The following ARMC3 variants were observed in gnomAD, a reference collection of about 807,000 sequenced individuals.
ARMC3 encodes the protein armadillo repeat-containing protein 3.
A neutral mutation model predicts 90.3 loss-of-function variants in ARMC3; 74 were observed. The ratio of observed to expected loss-of-function variants is 0.82; its 90% confidence interval spans 0.68 to 0.99. ARMC3 has a LOEUF of 0.99. ARMC3 is among the 50% of genes least tolerant of loss of function. The pLI, the probability that ARMC3 is intolerant of heterozygous loss-of-function variation, is 0.00. For missense variants in ARMC3, 958 were observed against 1,042.8 expected (o/e 0.92, Z 1.12); for synonymous variants, 334 against 361.8 (o/e 0.92, Z 0.87).
Position 22,959,396 on chromosome 10 carries a change from CAGA to C in ARMC3, c.365_367del (p.Glu122del), listed in dbSNP as rs759885825. The C allele has an allele frequency of 9.4e-6, 15 of 1,596,488 alleles. No homozygotes were observed. Among genetic ancestry groups the C allele is most frequent in the African/African-American group, 1.4e-5 (1 of 73,934 alleles). On this transcript the variant is annotated splice_acceptor_variant and coding_sequence_variant, in exon 6 of 19. Transcript: ENST00000298032. LOFTEE classifies it high-confidence loss of function. ...ACTTGTGTTATTTATTTTTGATACACAGAAGAAGTAGTTATCCATGAGTTTGCT... is the reference window on the plus strand; with the variant it reads ...ACTTGTGTTATTTATTTTTGATACACAGAAGTAGTTATCCATGAGTTTGCT...
intron 11 of ARMC3, among the ~76,000 whole-genome samples, chr10:22,998,789 C>T (rs1837142904): frequency 6.6e-6 from 1 of 152,196 alleles, no homozygotes; most frequent in South Asian, 2.1e-4. Context: ...TACAGCCCCA[C>T]ATGTCAACAG....
chr10:23,008,087 G>C (rs1467802398), intron 14 of ARMC3, among the ~76,000 whole-genome samples, 189 bp from the exon 15 acceptor site: 4 of 152,200 alleles, frequency 2.6e-5, no homozygotes, highest in Non-Finnish European at 5.9e-5. Context: ...CTGGGCGATA[G>C]AGTGAGATCC....
intron 16 of ARMC3, among the ~76,000 whole-genome samples, chr10:23,029,664 C>A (rs58579226): frequency 0.023 from 3,470 of 152,226 alleles, 129 homozygotes; most frequent in African/African-American, 0.08. Flanking sequence ...TTGAGAGTAT[C>A]TTTTCCATTG....
At chr10:22,993,713 TG>T (rs1459570514) in intron 10 of ARMC3, among the ~76,000 whole-genome samples, 2 of 152,184 alleles carry the variant, frequency 1.3e-5, no homozygotes, top group African/African-American at 4.8e-5. Context: ...AGGGCCGTGA[TG>T]GTCACAGATG....
Position 22,981,581 on chromosome 10 carries a change from T to A in ARMC3, c.1070-14T>A. On this transcript the variant is annotated splice_polypyrimidine_tract_variant and intron_variant, in intron 9 of 18. Transcript: ENST00000298032. Reference sequence around the variant, plus strand: ...CATTTTAAAAGTCACATTTTTACCTTTCTCTTTCTGTAGGGATTCCACAGT... The same window carrying A: ...CATTTTAAAAGTCACATTTTTACCTATCTCTTTCTGTAGGGATTCCACAGT... 6.2e-7 allele frequency: 1 copy of A among 1,614,022 alleles called. No homozygotes were observed. Among genetic ancestry groups the A allele is most frequent in the Non-Finnish European group, 8.5e-7 (1 of 1,179,910 alleles).
chr10:22,968,558 G>A, intron 8 of ARMC3, 69 bp downstream of exon 8: 3 of 1,391,032 alleles, frequency 2.2e-6, no homozygotes, highest in South Asian at 1.5e-5. Flanking sequence ...GGAGTGCTGT[G>A]GCGTGATCAC....
At chr10:22,945,142 C>T (rs959277102) in intron 2 of ARMC3, among the ~76,000 whole-genome samples, 4 of 152,194 alleles carry the variant, frequency 2.6e-5, no homozygotes, top group African/African-American at 9.7e-5. Context: ...TTCTTCTTTA[C>T]TCTTCCAAAC....
intron 8 of ARMC3, among the ~76,000 whole-genome samples, chr10:22,971,556 T>G (rs992398136): frequency 1.1e-4 from 17 of 150,080 alleles, no homozygotes; most frequent in Non-Finnish European, 1.9e-4. Flanking sequence ...TTCTCCTGCC[T>G]CAGCCTCCTG....
chr10:22,960,138 A>G (rs1349771686), intron 6 of ARMC3: 9 of 247,498 alleles, frequency 3.6e-5, no homozygotes, highest in Middle Eastern at 1.5e-3. Context: ...CCCAACCCCC[A>G]GAATACACAC....
chr10:22,959,714 G>GA (rs1055321574), intron 6 of ARMC3, 140 bp downstream of exon 6: 5 of 818,718 alleles, frequency 6.1e-6, no homozygotes, highest in African/African-American at 3.5e-5. Context: ...ATCATTCAGA[G>GA]AAAAAAATAA....
At chr10:23,000,952 C>A (rs555797897) in intron 11 of ARMC3, among the ~76,000 whole-genome samples, 1 of 151,994 alleles carries the variant, frequency 6.6e-6, no homozygotes, top group African/African-American at 2.4e-5. Flanking sequence ...ATTTTATACA[C>A]GAGTGATGTC....
chr10:22,992,812 A>G (rs1836767907), intron 10 of ARMC3, among the ~76,000 whole-genome samples: 1 of 152,072 alleles, frequency 6.6e-6, no homozygotes. Flanking sequence ...CAGCATTCCA[A>G]ATCTGGCTGT....
chr10:22,959,364 T>G (rs1233573931), intron 5 of ARMC3, 35 bp from the exon 6 acceptor site: 1 of 1,558,824 alleles, frequency 6.4e-7, no homozygotes, highest in South Asian at 1.2e-5. Flanking sequence ...TAATAAGCAG[T>G]TGGCATACTT....
chr10:23,033,103 C>T (rs1564408433), intron 18 of ARMC3, 80 bp downstream of exon 18: 4 of 1,320,968 alleles, frequency 3.0e-6, no homozygotes, highest in South Asian at 1.3e-5. Flanking sequence ...CAGTTGCTAA[C>T]ATTTAACTGG....
intron 16 of ARMC3, among the ~76,000 whole-genome samples, chr10:23,028,481 G>A (rs1052197124): frequency 6.6e-6 from 1 of 152,102 alleles, no homozygotes; most frequent in South Asian, 2.1e-4. Context: ...TATATGAGTT[G>A]AGATTTTCTT....
intron 2 of ARMC3, among the ~76,000 whole-genome samples, chr10:22,936,978 A>G (rs1266442721): frequency 6.6e-6 from 1 of 151,992 alleles, no homozygotes; most frequent in African/African-American, 2.4e-5. Context: ...ATCATGGCTC[A>G]CTGCAGCCTC....
In ARMC3 at chr10:23,037,610, G is replaced by A. The variant is rs577386060; in HGVS notation, c.*131G>A. 2.0e-5 allele frequency: 18 copies of A among 887,982 alleles called. No homozygotes were observed. The highest frequency in any genetic ancestry group is 3.5e-4 in the Middle Eastern group (1 of 2,832). The allele number at this position is 887,982 out of a possible 1,614,324, so 55.0% of individuals were successfully genotyped here. ...AAAGTATTAGAAATGTTTTCTCTGC[G>A]TAGAAATTAGGAAGCTTGGAGTGAA... is the stretch of plus-strand genomic sequence containing the variant. On this transcript the variant is annotated 3_prime_UTR_variant, in exon 19 of 19. Transcript: ENST00000298032.
At chr10:22,943,185 C>A (rs956432118) in intron 2 of ARMC3, among the ~76,000 whole-genome samples, 2 of 152,120 alleles carry the variant, frequency 1.3e-5, no homozygotes, top group African/African-American at 2.4e-5. Flanking sequence ...CAAACAGAGT[C>A]AATTTTGCTT....
rs1425268467 is a variant in ARMC3, at chr10:22,981,653, A to G, written c.1128A>G (p.Ala376=). The G allele has an allele frequency of 1.2e-6, 2 of 1,614,176 alleles. No homozygotes were observed. The highest frequency in any genetic ancestry group is 8.5e-7 in the Non-Finnish European group (1 of 1,180,022). The part of the protein sequence containing the change: ...KSDNEEVREA[A]ALALANLTTC... ...ACAATGAAGAGGTACGGGAAGCAGC[A>G]GCTCTAGCCCTGGCAAACCTAACCA... The change falls in exon 10 of 19, where the codon GCA becomes GCG. Residue 376 remains alanine, a synonymous_variant. Coordinates refer to ENST00000298032, the MANE Select transcript of ARMC3 (RefSeq NM_173081.5).
Sources: gnomAD v4.1 joint callset for allele counts (sites outside exome capture counted in the v4.1 genomes callset) on GRCh38, gnomAD v4.1.1 for gene constraint, MANE v1.5 for transcripts, NCBI Gene and HGNC (gene_info 2026-07-23, HGNC 2026-07-21) for gene names.